The following ATE1 variants were observed in gnomAD, a reference collection of about 807,000 sequenced individuals.
ATE1 encodes arginyltransferase 1.
A neutral mutation model predicts 70.5 loss-of-function variants in ATE1; 36 were observed. The ratio of observed to expected loss-of-function variants is 0.51; its 90% CI spans 0.39 to 0.67. The LOEUF is 0.67. Among genes scored for constraint, ATE1 ranks in the 30% least tolerant of loss-of-function variants. The pLI is 0.00. For missense variants in ATE1, 593 were observed against 629.5 expected (o/e 0.94, Z 0.62); for synonymous variants, 232 against 219.3 (o/e 1.06, Z -0.51).
At chr10:121,904,737 A>G (rs1951126113) in intron 5 of ATE1, among the ~76,000 whole-genome samples, 1 of 151,586 alleles carries the variant, frequency 6.6e-6, no homozygotes, top group South Asian at 2.1e-4. Flanking sequence ...TAGCAAATTC[A>G]GTTTTTAAAG....
chr10:121,752,125 A>G (rs1944607477), intron 11 of ATE1, among the ~76,000 whole-genome samples: 2 of 148,524 alleles, frequency 1.3e-5, no homozygotes, highest in South Asian at 4.5e-4. Flanking sequence ...TGAACCCAGC[A>G]GGCAGAGCTT....
chr10:121,839,196 C>T (rs1020213080), intron 9 of ATE1, among the ~76,000 whole-genome samples: 2 of 152,166 alleles, frequency 1.3e-5, no homozygotes, highest in Non-Finnish European at 2.9e-5. Context: ...TGCTCCCTCC[C>T]GGCTCTCCAG....
chr10:121,852,304 A>G (rs1000998803), intron 8 of ATE1, among the ~76,000 whole-genome samples: 1 of 152,228 alleles, frequency 6.6e-6, no homozygotes, highest in Admixed American at 6.5e-5. Flanking sequence ...TTTTTAGTAA[A>G]TAACAGTTAA....
intron 8 of ATE1, chr10:121,846,575 T>C (rs554034820): frequency 6.6e-6 from 1 of 152,262 alleles, no homozygotes; most frequent in South Asian, 2.1e-4. Context: ...CAAACTTCCA[T>C]TGGTGGTGTT....
intron 11 of ATE1, among the ~76,000 whole-genome samples, chr10:121,774,504 A>T (rs533996124): frequency 3.1e-4 from 47 of 152,338 alleles, no homozygotes; most frequent in Non-Finnish European, 6.0e-4. Flanking sequence ...TCATACAAGC[A>T]ATCATTTGCT....
At chr10:121,791,761 T>C (rs1946462568) in intron 10 of ATE1, among the ~76,000 whole-genome samples, 1 of 152,232 alleles carries the variant, frequency 6.6e-6, no homozygotes, top group African/African-American at 2.4e-5. Flanking sequence ...ACCGATGTTA[T>C]GTTCTAGTCT....
chr10:121,917,986 G>A (rs1951726591), intron 3 of ATE1, among the ~76,000 whole-genome samples: 1 of 152,164 alleles, frequency 6.6e-6, no homozygotes, highest in African/African-American at 2.4e-5. Context: ...TGCAACTGCT[G>A]TTATATACAA....
intron 7 of ATE1, chr10:121,898,782 ATATAT>A: frequency 1.3e-6 from 2 of 1,577,614 alleles, no homozygotes; most frequent in Non-Finnish European, 1.7e-6. Context: ...AGAAAATGGT[ATATAT>A]TATACTTCTT....
chr10:121,886,274 C>T (rs117444042), intron 7 of ATE1, among the ~76,000 whole-genome samples: 1 of 148,368 alleles, frequency 6.7e-6, no homozygotes, highest in African/African-American at 2.5e-5. Flanking sequence ...AAAACAAAAA[C>T]CAAAAATACA....
intron 10 of ATE1, among the ~76,000 whole-genome samples, chr10:121,823,300 A>AAAAACAAAAC (rs773187203): frequency 6.6e-6 from 1 of 152,116 alleles, no homozygotes; most frequent in Admixed American, 6.5e-5. Flanking sequence ...AAAAAAAAAC[A>AAAAACAAAAC]AAAACAAAAC....
At chr10:121,868,369 G>C (rs1949733564) in intron 8 of ATE1, among the ~76,000 whole-genome samples, 1 of 151,944 alleles carries the variant, frequency 6.6e-6, no homozygotes, top group South Asian at 2.1e-4. Flanking sequence ...AGCTATATTT[G>C]TTTTCATGTA....
chr10:121,772,481 A>G (rs561604943), intron 11 of ATE1, among the ~76,000 whole-genome samples: 8 of 152,334 alleles, frequency 5.3e-5, no homozygotes, highest in African/African-American at 1.9e-4. Flanking sequence ...AATTAACCAC[A>G]AAAAAACTTA....
Position 121,856,656 on chromosome 10 carries a change from C to G in ATE1, c.975+13350G>C, listed in dbSNP as rs563985978. On this transcript the variant is annotated intron_variant, in intron 8 of 11. Transcript: ENST00000224652. ...TGTTTTGGTTTTCCTATTGTTTACA[C>G]TATGCTGTAGTCTATTAAGTGTGCA... Among the ~76,000 whole-genome samples the G allele has an allele frequency of 1.2e-4, 19 of 152,328 alleles. No homozygotes were observed. In the South Asian group the frequency reaches 3.5e-3, roughly 28 times the overall value.
intron 7 of ATE1, chr10:121,898,959 A>G: frequency 6.2e-7 from 1 of 1,613,514 alleles, no homozygotes; most frequent in Non-Finnish European, 8.5e-7. Context: ...GGAGACAGGT[A>G]CTAACCTCAC....
At chr10:121,823,167 T>G (rs1327300222) in intron 10 of ATE1, among the ~76,000 whole-genome samples, 2 of 151,780 alleles carry the variant, frequency 1.3e-5, no homozygotes, top group African/African-American at 2.4e-5. Flanking sequence ...GCGGGCGCCT[T>G]TAGTCCCAGC....
chr10:121,808,836 G>T (rs1225005187), intron 10 of ATE1, among the ~76,000 whole-genome samples: 1 of 152,170 alleles, frequency 6.6e-6, no homozygotes, highest in East Asian at 1.9e-4. Context: ...CGCACTAGCA[G>T]TTTCCACAAG....
intron 3 of ATE1, among the ~76,000 whole-genome samples, chr10:121,919,514 T>G (rs1012817429): frequency 6.6e-6 from 1 of 152,012 alleles, no homozygotes; most frequent in Admixed American, 6.6e-5. Context: ...TGAGCCGAGA[T>G]AGCACCACTG....
Position 121,899,949 on chromosome 10 carries a change from T to C in ATE1, c.859A>G (p.Thr287Ala). ...TAGACCTGGTAAGACTCCAGAAGTGTGGCTTTGAACTGCGAACTTGGTGGA... is the reference window on the plus strand; with the variant it reads ...TAGACCTGGTAAGACTCCAGAAGTGCGGCTTTGAACTGCGAACTTGGTGGA... ...SSPPSSQFKA[T>A]LLESYQVYKR... is the part of the protein sequence containing the mutation. The change falls in exon 7 of 12, where the codon ACA (threonine) becomes GCA (alanine). Residue 287 changes from threonine to alanine, a missense_variant. Thr to Ala is a moderately conservative substitution (Grantham distance 58). Coordinates refer to ENST00000224652, the MANE Select transcript of ATE1 (RefSeq NM_001001976.3). The C allele has an allele frequency of 6.2e-7, 1 of 1,614,072 alleles. No individual in the cohort carries two copies. Among genetic ancestry groups the C allele is most frequent in the Non-Finnish European group, 8.5e-7 (1 of 1,179,942 alleles).
intron 10 of ATE1, among the ~76,000 whole-genome samples, chr10:121,832,542 T>A (rs779908919): frequency 1.3e-5 from 2 of 152,192 alleles, no homozygotes; most frequent in Non-Finnish European, 2.9e-5. Context: ...GTTCCCCCCA[T>A]AATGTTATCA....
Sources: allele counts gnomAD v4.1 joint callset (sites outside exome capture counted in the v4.1 genomes callset), GRCh38; gene constraint gnomAD v4.1.1; transcripts MANE v1.5; gene names NCBI Gene and HGNC (gene_info 2026-07-23, HGNC 2026-07-21).